LIMA1: variants seen among roughly 807,000 people sequenced by gnomAD.
LIMA1 encodes LIM domain and actin-binding protein 1.
In LIMA1, 52 loss-of-function variants were observed where a neutral mutation model predicts 62.6. The observed-to-expected ratio is 0.83, with a 90% CI of 0.67 to 1.05. LIMA1 has a LOEUF of 1.05. Ranked by LOEUF, LIMA1 falls within the 50% of genes least tolerant of loss-of-function variation. The pLI, the probability that LIMA1 is intolerant of heterozygous loss-of-function variation, is 0.00. For missense variants in LIMA1, 780 were observed against 902.2 expected (o/e 0.86, Z 1.74); for synonymous variants, 302 against 317.8 (o/e 0.95, Z 0.53).
chr12:50,192,660 C>A (rs977297320), intron 8 of LIMA1, 99 bp from the exon 9 acceptor site: 2 of 768,526 alleles, frequency 2.6e-6, no homozygotes, highest in Non-Finnish European at 4.6e-6. Flanking sequence ...TCATTAATGA[C>A]AGATCCTTCC....
In LIMA1 at chr12:50,248,748, C is replaced by A. The variant is rs772093224; in HGVS notation, c.4G>T (p.Glu2Ter). M[E>*]SSPFNRRQWT... ...TGCCGTCTATTAAATGGAGATGATT[C>A]CATCTTGTCTACAGACACTGAAATA... Residue 2 changes from glutamate to a stop codon, truncating the protein, a stop_gained, in exon 2 of 11, where the codon GAA (glutamate) becomes TAA (stop). Coordinates refer to ENST00000341247, the MANE Select transcript of LIMA1 (RefSeq NM_016357.5). LOFTEE classifies it high-confidence loss of function. 1 of 1,565,780 alleles carries A rather than the reference C, an allele frequency of 6.4e-7. No homozygotes were observed. The highest frequency in any genetic ancestry group is 8.8e-7 in the Non-Finnish European group (1 of 1,136,214).
At chr12:50,214,051 CG>C (rs1378165143) in intron 4 of LIMA1, among the ~76,000 whole-genome samples, 88 of 149,958 alleles carry the variant, frequency 5.9e-4, no homozygotes, top group African/African-American at 2.1e-3. Flanking sequence ...CACACACACA[CG>C]AGATTACTCA....
At chr12:50,205,895 C>A in intron 5 of LIMA1, 89 bp downstream of exon 5, 1 of 850,866 alleles carries the variant, frequency 1.2e-6, no homozygotes, top group Non-Finnish European at 1.8e-6. Flanking sequence ...GCCACTCTTC[C>A]TTTAAAAGCA....
intron 9 of LIMA1, among the ~76,000 whole-genome samples, chr12:50,185,020 T>C (rs950034010): frequency 5.3e-5 from 8 of 152,206 alleles, no homozygotes; most frequent in East Asian, 3.9e-4. Context: ...TTAGTAGAGA[T>C]GGGGTTTCAC....
At chr12:50,264,283 G>C (rs1005209495) in intron 1 of LIMA1, among the ~76,000 whole-genome samples, 1 of 152,186 alleles carries the variant, frequency 6.6e-6, no homozygotes, top group African/African-American at 2.4e-5. Context: ...TTGTAAAATT[G>C]ATTATGGTGA....
intron 4 of LIMA1, among the ~76,000 whole-genome samples, chr12:50,217,473 C>T (rs1275137965): frequency 6.6e-6 from 1 of 151,936 alleles, no homozygotes; most frequent in Non-Finnish European, 1.5e-5. Context: ...GAACTTCAAG[C>T]CTGGCCTTTG....
Position 50,222,077 on chromosome 12 carries a change from C to A in LIMA1, c.574G>T (p.Val192Phe). ...ATCATCTTAAGCCTGTTCAGCGGAA[C>A]ATTATATTTCTCTATTTTGCCCGAA... ...DASGKIEKYN[V>F]PLNRLKMMFE... Residue 192 changes from valine to phenylalanine, a missense_variant, in exon 4 of 11, where the codon GTT becomes TTT. Transcript: ENST00000341247. 6.2e-7 allele frequency: 1 copy of A among 1,614,146 alleles called. No individual in the cohort carries two copies. Among genetic ancestry groups the A allele is most frequent in the Non-Finnish European group, 8.5e-7 (1 of 1,180,034 alleles).
Position 50,177,699 on chromosome 12 carries a change from TC to T in LIMA1, c.1644del (p.Ile549SerfsTer25). On this transcript the variant is annotated frameshift_variant, in exon 11 of 11. Coordinates refer to ENST00000341247, the MANE Select transcript of LIMA1 (RefSeq NM_016357.5). LOFTEE classifies it low-confidence loss of function (END_TRUNC). ...GGCCATTTGGGCTTTGACATTTTGA[TC>T]CCTTCCTCCAAGGCACTTCCTGAAC... is the stretch of plus-strand genomic sequence containing the variant. ...LGSSGSALEEGIKMSKPKWPP... is the reference protein window; with the variant it reads ...LGSSGSALEEXIKMSKPKWPP... The T allele has an allele frequency of 6.2e-7, 1 of 1,611,130 alleles. No individual in the cohort carries two copies. The highest frequency in any genetic ancestry group is 8.5e-7 in the Non-Finnish European group (1 of 1,179,096).
intron 8 of LIMA1, among the ~76,000 whole-genome samples, chr12:50,195,262 T>TA (rs1940903463): frequency 6.6e-6 from 1 of 151,572 alleles, no homozygotes; most frequent in Non-Finnish European, 1.5e-5. Flanking sequence ...CATAGTCAAG[T>TA]AAAAAACAAA....
At chr12:50,200,738 T>C (rs376432822) in intron 7 of LIMA1, 39 bp downstream of exon 7, 7 of 1,596,342 alleles carry the variant, frequency 4.4e-6, no homozygotes, top group Non-Finnish European at 6.0e-6. Context: ...TTAGAACACA[T>C]GCTTCCTTGG....
At chr12:50,201,519 C>T (rs1592514069) in intron 6 of LIMA1, 2 of 984,386 alleles carry the variant, frequency 2.0e-6, no homozygotes, top group Non-Finnish European at 1.2e-6. Flanking sequence ...ATTTTATTGT[C>T]ATAAGGAATA....
intron 1 of LIMA1, among the ~76,000 whole-genome samples, chr12:50,272,955 C>T (rs894357512): frequency 6.6e-5 from 10 of 150,650 alleles, no homozygotes; most frequent in South Asian, 6.3e-4. Flanking sequence ...GAGGCTAAGG[C>T]AGGAGAATGG....
At chr12:50,256,312 C>G in intron 1 of LIMA1, 1 of 151,798 alleles carries the variant, frequency 6.6e-6, no homozygotes. Flanking sequence ...TGTATCATTT[C>G]AACTTTAGTA....
At chr12:50,237,737 C>CAGAT (rs1277320173) in intron 2 of LIMA1, among the ~76,000 whole-genome samples, 1 of 152,064 alleles carries the variant, frequency 6.6e-6, no homozygotes, top group African/African-American at 2.4e-5. Flanking sequence ...GGCATAAAGA[C>CAGAT]AGATATACAG....
chr12:50,236,734 CCACA>C (rs145408139), intron 2 of LIMA1, among the ~76,000 whole-genome samples: 2 of 149,392 alleles, frequency 1.3e-5, no homozygotes, highest in Admixed American at 6.7e-5. Flanking sequence ...CTCCTTAAAA[CCACA>C]CACACACACA....
intron 4 of LIMA1, among the ~76,000 whole-genome samples, chr12:50,207,658 G>A (rs2138497113): frequency 6.6e-6 from 1 of 152,212 alleles, no homozygotes; most frequent in East Asian, 1.9e-4. Flanking sequence ...GGAGGCCAAG[G>A]CGGGCAGATT....
intron 2 of LIMA1, among the ~76,000 whole-genome samples, chr12:50,246,949 A>T (rs878942846): frequency 6.6e-6 from 1 of 152,126 alleles, no homozygotes; most frequent in Admixed American, 6.6e-5. Context: ...CTATCCACAC[A>T]TACTGAATCA....
intron 4 of LIMA1, among the ~76,000 whole-genome samples, chr12:50,218,963 T>G (rs1211894235): frequency 6.6e-6 from 1 of 152,108 alleles, no homozygotes; most frequent in Admixed American, 6.6e-5. Flanking sequence ...AATTCTTCCT[T>G]TGGAATCTAG....
At chr12:50,201,328 GAA>G (rs745585152) in intron 6 of LIMA1, 13 of 987,470 alleles carry the variant, frequency 1.3e-5, no homozygotes, top group Non-Finnish European at 1.3e-5. Flanking sequence ...GCCCGGCCTG[GAA>G]AGAGAGACAG....
Sources: allele counts gnomAD v4.1 joint callset (sites outside exome capture counted in the v4.1 genomes callset), GRCh38; gene constraint gnomAD v4.1.1; transcripts MANE v1.5; gene names NCBI Gene and HGNC (gene_info 2026-07-23, HGNC 2026-07-21).